KLHL1: variants seen among roughly 807,000 people sequenced by gnomAD.
KLHL1 encodes kelch like family member 1.
In KLHL1, 47 loss-of-function variants were observed where a neutral mutation model predicts 77.7. The observed-to-expected ratio is 0.60, with a 90% CI of 0.48 to 0.77. KLHL1 has a LOEUF of 0.77. Ranked by LOEUF, KLHL1 falls within the 30% of genes least tolerant of loss-of-function variation. KLHL1 has a pLI of 0.00. For missense variants in KLHL1, 925 were observed against 910.8 expected, an observed-to-expected ratio of 1.02 and a Z score of -0.20; for synonymous variants, 360 against 325.2, an observed-to-expected ratio of 1.11 and a Z score of -1.15.
At chr13:70,014,180 T>C (rs1231702511) in intron 1 of KLHL1, among the ~76,000 whole-genome samples, 1 of 152,092 alleles carries the variant, frequency 6.6e-6, no homozygotes, top group South Asian at 2.1e-4. Context: ...AAAGAATTGA[T>C]TTTTCTTCCT....
chr13:69,951,828 C>T (rs1484373755), intron 3 of KLHL1, among the ~76,000 whole-genome samples: 1 of 151,398 alleles, frequency 6.6e-6, no homozygotes, highest in African/African-American at 2.4e-5. Flanking sequence ...ATCTTCACAT[C>T]TCATAATCCA....
intron 1 of KLHL1, among the ~76,000 whole-genome samples, chr13:70,046,210 T>C (rs1197643217): frequency 6.6e-6 from 1 of 151,056 alleles, no homozygotes; most frequent in Admixed American, 6.6e-5. Context: ...CACTGGAGCA[T>C]AAGTGTGAGA....
At chr13:69,740,619 C>T (rs1221932078) in intron 7 of KLHL1, 63 bp from the exon 8 acceptor site, 3 of 1,260,182 alleles carry the variant, frequency 2.4e-6, no homozygotes, top group Non-Finnish European at 2.2e-6. Context: ...ATTTAAAAAT[C>T]TGTTAAGTGG....
At position 69,781,567 on chromosome 13, in the gene KLHL1, T is replaced by C. The variant is rs187847952; in HGVS notation, c.1639+15171A>G. On this transcript the variant is annotated intron_variant, in intron 7 of 10. Coordinates refer to ENST00000377844, the MANE Select transcript of KLHL1 (RefSeq NM_020866.3). Reference sequence around the variant, plus strand: ...TAGTTGACAGGAATTTCATTGCTGTTTCATTGCTGCTCATTCATGCTTGTT... The same window carrying C: ...TAGTTGACAGGAATTTCATTGCTGTCTCATTGCTGCTCATTCATGCTTGTT... Among the ~76,000 whole-genome samples, 212 of 152,298 alleles carry C rather than the reference T, an allele frequency of 1.4e-3. 1 individual carries two copies. Among genetic ancestry groups the C allele is most frequent in the African/African-American group, 4.8e-3 (199 of 41,562 alleles).
At chr13:69,799,093 GA>G (rs67444969) in intron 6 of KLHL1, among the ~76,000 whole-genome samples, 52,190 of 137,584 alleles carry the variant, frequency 0.38, 9,498 homozygotes, top group African/African-American at 0.48. Flanking sequence ...GTTGCATAAA[GA>G]AAAAAAAAAA....
intron 4 of KLHL1, among the ~76,000 whole-genome samples, chr13:69,935,321 G>A (rs2138290141): frequency 1.1e-5 from 1 of 94,320 alleles, no homozygotes; most frequent in South Asian, 3.4e-4. Context: ...TATTCATTCA[G>A]TAATTAATCG....
intron 7 of KLHL1, among the ~76,000 whole-genome samples, chr13:69,775,154 G>A (rs1261799462): frequency 7.9e-5 from 12 of 152,014 alleles, no homozygotes; most frequent in Admixed American, 7.9e-4. Context: ...CTACAGGCAG[G>A]ACTAAGTGCC....
At chr13:69,711,088 T>C (rs1233645193) in intron 9 of KLHL1, among the ~76,000 whole-genome samples, 1 of 152,166 alleles carries the variant, frequency 6.6e-6, no homozygotes, top group Non-Finnish European at 1.5e-5. Flanking sequence ...CCATTAATTT[T>C]TCAAGCATTA....
At chr13:69,852,182 T>C (rs1424553165) in intron 5 of KLHL1, among the ~76,000 whole-genome samples, 4 of 151,926 alleles carry the variant, frequency 2.6e-5, no homozygotes, top group Non-Finnish European at 5.9e-5. Context: ...AATTTAATGG[T>C]CATCCTTAAG....
chr13:69,818,527 T>G (rs918510409), intron 6 of KLHL1, among the ~76,000 whole-genome samples: 2 of 152,076 alleles, frequency 1.3e-5, no homozygotes, highest in Non-Finnish European at 2.9e-5. Context: ...CCAGGCATCT[T>G]TTTTTAATTC....
intron 8 of KLHL1, among the ~76,000 whole-genome samples, chr13:69,740,060 G>T (rs1873920692): frequency 6.6e-6 from 1 of 152,104 alleles, no homozygotes; most frequent in African/African-American, 2.4e-5. Flanking sequence ...GAAGATGCTT[G>T]GAAAGTAAAC....
chr13:69,973,022 A>G (rs1343045716), intron 2 of KLHL1, among the ~76,000 whole-genome samples: 1 of 151,962 alleles, frequency 6.6e-6, no homozygotes, highest in Non-Finnish European at 1.5e-5. Flanking sequence ...AGAAAGTGAT[A>G]TTCCTCTTAG....
chr13:70,061,101 G>C (rs1019831616), intron 1 of KLHL1, among the ~76,000 whole-genome samples: 1 of 152,194 alleles, frequency 6.6e-6, no homozygotes, highest in Non-Finnish European at 1.5e-5. Context: ...GGAGGGAGAA[G>C]TGAGGATGGT....
At chr13:69,964,151 C>A (rs1362224889) in intron 2 of KLHL1, among the ~76,000 whole-genome samples, 2 of 152,100 alleles carry the variant, frequency 1.3e-5, no homozygotes, top group African/African-American at 4.8e-5. Context: ...CCAAGCAATT[C>A]TTCTGCCTCT....
Position 69,975,675 on chromosome 13 carries a change from G to C in KLHL1, c.625C>G (p.Gln209Glu). Residue 209 changes from glutamine (Q) to glutamate (E), a missense_variant, in exon 2 of 11, where the codon CAG (glutamine) becomes GAG (glutamate). Coordinates refer to ENST00000377844, the MANE Select transcript of KLHL1 (RefSeq NM_020866.3). ...FRKMESYLKQ[Q>E]QLCDVILIVG... is the part of the protein sequence containing the mutation. Reference sequence around the variant, plus strand: ...ATCAGGATAACATCACAAAGTTGCTGCTGCTTCAAATAACTTTCCATCTTT... The same window carrying C: ...ATCAGGATAACATCACAAAGTTGCTCCTGCTTCAAATAACTTTCCATCTTT... 6.2e-7 allele frequency: 1 copy of C among 1,613,634 alleles called. No individual in the cohort carries two copies. The highest frequency in any genetic ancestry group is 2.2e-5 in the East Asian group (1 of 44,804).
At chr13:69,981,637 AT>A (rs1481134909) in intron 1 of KLHL1, among the ~76,000 whole-genome samples, 1 of 152,040 alleles carries the variant, frequency 6.6e-6, no homozygotes, top group Non-Finnish European at 1.5e-5. Context: ...ATGTATTTTA[AT>A]TTTTAAAAAA....
At chr13:69,766,179 G>A (rs934988027) in intron 7 of KLHL1, among the ~76,000 whole-genome samples, 1 of 152,016 alleles carries the variant, frequency 6.6e-6, no homozygotes, top group Non-Finnish European at 1.5e-5. Context: ...TATTGACCAT[G>A]AAATAAGATT....
chr13:70,087,458 G>T (rs771739780), intron 1 of KLHL1, among the ~76,000 whole-genome samples: 1 of 151,532 alleles, frequency 6.6e-6, no homozygotes. Context: ...AACAATGCCT[G>T]AAGGATTAAC....
chr13:69,789,381 T>G (rs1208179173), intron 7 of KLHL1, among the ~76,000 whole-genome samples: 1 of 152,038 alleles, frequency 6.6e-6, no homozygotes, highest in Non-Finnish European at 1.5e-5. Context: ...ACTTTTTTTT[T>G]GGCAACAGCA....
Sources: gnomAD v4.1 joint callset for allele counts (sites outside exome capture counted in the v4.1 genomes callset) on GRCh38, gnomAD v4.1.1 for gene constraint, MANE v1.5 for transcripts, NCBI Gene and HGNC (gene_info 2026-07-23, HGNC 2026-07-21) for gene names.